GRIN3A: variants seen among roughly 807,000 people sequenced by gnomAD.
The protein encoded by GRIN3A is glutamate receptor ionotropic, NMDA 3A.
In GRIN3A, 47 loss-of-function variants were observed where a neutral mutation model predicts 92.4. That is an observed-to-expected ratio of 0.51 (90% CI 0.40 to 0.65). The LOEUF is 0.65. Among genes scored for constraint, GRIN3A ranks in the 30% least tolerant of loss-of-function variants. The pLI is 0.00. For synonymous variants in GRIN3A, 527 were observed against 540.6 expected (o/e 0.97, Z 0.35); for missense variants, 1,324 against 1,393.1 (o/e 0.95, Z 0.79).
chr9:101,612,723 T>A (rs1828382821), intron 6 of GRIN3A, among the ~76,000 whole-genome samples: 1 of 152,222 alleles, frequency 6.6e-6, no homozygotes, highest in Non-Finnish European at 1.5e-5. Context: ...TTCTGCCTTA[T>A]TTTATAGGTT....
intron 4 of GRIN3A, among the ~76,000 whole-genome samples, chr9:101,624,585 T>C (rs1405979830): frequency 6.6e-6 from 1 of 152,172 alleles, no homozygotes; most frequent in Non-Finnish European, 1.5e-5. Context: ...TAGTATTCCA[T>C]GGTGTATATG....
At chr9:101,672,980 A>G (rs1829349015) in intron 2 of GRIN3A, among the ~76,000 whole-genome samples, 1 of 152,194 alleles carries the variant, frequency 6.6e-6, no homozygotes, top group African/African-American at 2.4e-5. Context: ...TAAGAAATCT[A>G]CTTTTAGATT....
chr9:101,658,046 A>G (rs1235164791), intron 3 of GRIN3A, among the ~76,000 whole-genome samples: 3 of 151,950 alleles, frequency 2.0e-5, no homozygotes, highest in Admixed American at 6.6e-5. Flanking sequence ...GTTGGAATAA[A>G]TCAGGTAGGG....
At chr9:101,673,227 G>T (rs1588276824) in intron 2 of GRIN3A, among the ~76,000 whole-genome samples, 1 of 152,038 alleles carries the variant, frequency 6.6e-6, no homozygotes, top group Non-Finnish European at 1.5e-5. Context: ...TCAGAAAAAG[G>T]CACTAGAAAT....
At chr9:101,610,582 T>TATCC (rs1415594694) in intron 6 of GRIN3A, among the ~76,000 whole-genome samples, 16 of 130,614 alleles carry the variant, frequency 1.2e-4, no homozygotes, top group African/African-American at 4.4e-4. Context: ...TCCATCTATC[T>TATCC]ATCTATCTAT....
At chr9:101,619,802 G>A (rs959305652) in intron 5 of GRIN3A, among the ~76,000 whole-genome samples, 1 of 152,142 alleles carries the variant, frequency 6.6e-6, no homozygotes, top group Non-Finnish European at 1.5e-5. Flanking sequence ...GAGCTTTATT[G>A]TCAGCTAACT....
chr9:101,594,575 A>C, intron 6 of GRIN3A: 1 of 1,614,170 alleles, frequency 6.2e-7, no homozygotes, highest in Non-Finnish European at 8.5e-7. Flanking sequence ...CATCATCTTC[A>C]GCACCTGGAA....
intron 1 of GRIN3A, among the ~76,000 whole-genome samples, chr9:101,713,553 G>A (rs1395379837): frequency 6.6e-6 from 1 of 152,180 alleles, no homozygotes; most frequent in Admixed American, 6.5e-5. Context: ...TCCAGCTTGG[G>A]TTACCAGAAT....
At chr9:101,635,959 AGTGCAACCTCC>A (rs973602182) in intron 3 of GRIN3A, among the ~76,000 whole-genome samples, 52 of 152,306 alleles carry the variant, frequency 3.4e-4, no homozygotes, top group African/African-American at 1.2e-3. Flanking sequence ...ATCTCAGCTC[AGTGCAACCTCC>A]GTCTCCTGGA....
chr9:101,640,237 A>G (rs1269707366), intron 3 of GRIN3A, among the ~76,000 whole-genome samples: 1 of 152,204 alleles, frequency 6.6e-6, no homozygotes, highest in Non-Finnish European at 1.5e-5. Flanking sequence ...GTGTTTGCTT[A>G]TCTTTCTTTT....
At chr9:101,683,844 CAGTGAGAGAGAG>C (rs1347707486) in intron 2 of GRIN3A, among the ~76,000 whole-genome samples, 15 of 79,184 alleles carry the variant, frequency 1.9e-4, no homozygotes, top group Middle Eastern at 6.7e-3. Context: ...GAGAGAGAGA[CAGTGAGAGAGAG>C]AGAGAGAGAG....
At chr9:101,641,591 G>A (rs1253734106) in intron 3 of GRIN3A, among the ~76,000 whole-genome samples, 2 of 151,786 alleles carry the variant, frequency 1.3e-5, no homozygotes, top group Non-Finnish European at 2.9e-5. Flanking sequence ...GAGAACACAT[G>A]GACACAGGAA....
chr9:101,640,681 G>C (rs1197010336), intron 3 of GRIN3A, among the ~76,000 whole-genome samples: 1 of 152,148 alleles, frequency 6.6e-6, no homozygotes, highest in East Asian at 1.9e-4. Flanking sequence ...GGAGGTAATT[G>C]AATCATGGGA....
chr9:101,592,808 A>T (rs1828050906), intron 6 of GRIN3A: 1 of 151,918 alleles, frequency 6.6e-6, no homozygotes, highest in Non-Finnish European at 1.5e-5. Context: ...TCTTCCAAAT[A>T]AAATAGCAGT....
At position 101,573,115 on chromosome 9, in the gene GRIN3A, A is replaced by G. The variant is rs895880142; in HGVS notation, c.*59T>C. 2.9e-6 allele frequency: 4 copies of G among 1,387,804 alleles called. No homozygotes were observed. Among genetic ancestry groups the G allele is most frequent in the Non-Finnish European group, 4.1e-6 (4 of 974,308 alleles). 86.0% of individuals were successfully genotyped at this position (1,387,804 alleles called of 1,614,324 possible). Reference sequence around the variant, plus strand: ...TCGATAGTTACAAAAGAGCATTACAAAGTGTCTCAAGGGCTCAGAGGAAGG... The same window carrying G: ...TCGATAGTTACAAAAGAGCATTACAGAGTGTCTCAAGGGCTCAGAGGAAGG... On this transcript the variant is annotated 3_prime_UTR_variant, in exon 9 of 9. Transcript: ENST00000361820.
intron 6 of GRIN3A, among the ~76,000 whole-genome samples, chr9:101,596,611 G>C (rs1358624016): frequency 6.6e-6 from 1 of 152,154 alleles, no homozygotes; most frequent in African/African-American, 2.4e-5. Context: ...AGAAACCTCA[G>C]GGGCAAGGAC....
chr9:101,595,060 G>A (rs1828101119), intron 6 of GRIN3A: 1 of 923,574 alleles, frequency 1.1e-6, no homozygotes, highest in South Asian at 1.7e-5. Context: ...TCGAGCAAAA[G>A]GGCAGGGGAG....
chr9:101,606,882 A>G (rs1828290218), intron 6 of GRIN3A, among the ~76,000 whole-genome samples: 1 of 140,496 alleles, frequency 7.1e-6, no homozygotes, highest in South Asian at 2.4e-4. Flanking sequence ...TCTTAAATTC[A>G]CTTGGGGAGT....
chr9:101,716,516 G>A (rs1829950161), intron 1 of GRIN3A, among the ~76,000 whole-genome samples: 1 of 152,066 alleles, frequency 6.6e-6, no homozygotes, highest in South Asian at 2.1e-4. Flanking sequence ...TGAATAGAAT[G>A]GATTATATTC....
Sources: allele counts gnomAD v4.1 joint callset (sites outside exome capture counted in the v4.1 genomes callset), GRCh38; gene constraint gnomAD v4.1.1; transcripts MANE v1.5; gene names NCBI Gene and HGNC (gene_info 2026-07-23, HGNC 2026-07-21).